The following CCDC88C variants were observed in gnomAD, a reference collection of about 807,000 sequenced individuals.
The protein encoded by CCDC88C is protein Daple.
Under a neutral mutation model 198.8 loss-of-function variants are expected in CCDC88C, and 131 were observed. That is an observed-to-expected ratio of 0.66 (90% CI 0.57 to 0.76). The LOEUF (loss-of-function observed/expected upper bound fraction) is 0.76. Among genes scored for constraint, CCDC88C ranks in the 30% least tolerant of loss-of-function variants. The pLI, the probability that CCDC88C is intolerant of heterozygous loss-of-function variation, is 0.00. For missense variants in CCDC88C, 2,553 were observed against 2,631.6 expected, an observed-to-expected ratio of 0.97 and a Z score of 0.65; for synonymous variants, 1,166 against 1,114.7, an observed-to-expected ratio of 1.05 and a Z score of -0.92.
intron 6 of CCDC88C, among the ~76,000 whole-genome samples, chr14:91,341,527 C>G (rs2139865476): frequency 6.6e-6 from 1 of 152,342 alleles, no homozygotes; most frequent in Non-Finnish European, 1.5e-5. Flanking sequence ...CCCAGGGAGT[C>G]CTGTGCTCAG....
Position 91,299,920 on chromosome 14 carries a change from C to T in CCDC88C, c.3779+7G>A, listed in dbSNP as rs559254149. ...TGCTATGTGCAGGGCCGGGCGCCGG[C>T]GCTCACCTGTCCAGCTCGCCCCGCA... is the stretch of plus-strand genomic sequence containing the variant. On this transcript the variant is annotated splice_region_variant and intron_variant, in intron 21 of 29. Transcript: ENST00000389857. 1.8e-5 allele frequency: 29 copies of T among 1,579,444 alleles called. No individual in the cohort carries two copies. Among genetic ancestry groups the T allele is most frequent in the East Asian group, 4.5e-5 (2 of 44,192 alleles).
chr14:91,373,919 C>G (rs1247589944), intron 3 of CCDC88C, among the ~76,000 whole-genome samples: 2 of 152,232 alleles, frequency 1.3e-5, no homozygotes, highest in Non-Finnish European at 2.9e-5. Context: ...TCAAACCCCT[C>G]CGCCGGCAAT....
At chr14:91,360,252 TCACACACACACACACA>T (rs57026211) in intron 3 of CCDC88C, among the ~76,000 whole-genome samples, 2 of 144,196 alleles carry the variant, frequency 1.4e-5, no homozygotes, top group Non-Finnish European at 3.0e-5. Flanking sequence ...GACCCCATCT[TCACACACACACACACA>T]CACACACACA....
chr14:91,339,836 GC>G lies in CCDC88C; in HGVS notation c.624+47del. On this transcript the variant is annotated intron_variant, in intron 7 of 29. Transcript: ENST00000389857. This position sits in a 1 kb window ranked among gnomAD's most constrained non-coding sequence, Gnocchi z 5.8. ...AGATGAAGGGAGAGGAGATGAAGGGGCCTAAGCCCCTTCCCAGGCTGACCGG... is the reference window on the plus strand; with the variant it reads ...AGATGAAGGGAGAGGAGATGAAGGGGCTAAGCCCCTTCCCAGGCTGACCGG... 3 of 1,535,514 alleles carry G rather than the reference GC, an allele frequency of 2.0e-6. No homozygotes were observed. The highest frequency in any genetic ancestry group is 2.6e-6 in the Non-Finnish European group (3 of 1,139,416).
At chr14:91,348,401 C>G (rs1490374991) in intron 4 of CCDC88C, among the ~76,000 whole-genome samples, 3 of 151,624 alleles carry the variant, frequency 2.0e-5, no homozygotes, top group Non-Finnish European at 4.4e-5. Flanking sequence ...TCGCCTGAGC[C>G]TGGGAGGGTG....
chr14:91,396,073 T>C (rs1384712263), intron 3 of CCDC88C, among the ~76,000 whole-genome samples: 2 of 152,068 alleles, frequency 1.3e-5, no homozygotes, highest in Non-Finnish European at 2.9e-5. Flanking sequence ...ATCGCGACAA[T>C]TACATCTCGA....
At chr14:91,394,336 T>C (rs1345463265) in intron 3 of CCDC88C, among the ~76,000 whole-genome samples, 1 of 152,172 alleles carries the variant, frequency 6.6e-6, no homozygotes, top group African/African-American at 2.4e-5. Flanking sequence ...TCCATACCGG[T>C]TTACCCCTGT....
At position 91,273,181 on chromosome 14, in the gene CCDC88C, G is replaced by C; in HGVS notation, c.5531C>G (p.Thr1844Ser). 2 of 1,578,470 alleles carry C rather than the reference G, an allele frequency of 1.3e-6. No individual in the cohort carries two copies. Among genetic ancestry groups the C allele is most frequent in the Non-Finnish European group, 1.7e-6 (2 of 1,162,516 alleles). Residue 1844 changes from threonine (T) to serine (S), a missense_variant, in exon 30 of 30, where the codon ACC (threonine) becomes AGC (serine). Physicochemically the swap from Thr to Ser is moderately conservative, Grantham distance 58. Coordinates refer to ENST00000389857, the MANE Select transcript of CCDC88C (RefSeq NM_001080414.4). This position sits in a 1 kb window ranked among gnomAD's most constrained non-coding sequence, Gnocchi z 5.6. ...ALGGRETGSH[T>S]LQSPAPPSSH... ...GCTGGGGGGTGCGGGGCTTTGCAGG[G>C]TGTGGCTGCCTGTCTCTCTGCCCCC... is the stretch of plus-strand genomic sequence containing the variant.
intron 1 of CCDC88C, 109 bp downstream of exon 1, chr14:91,417,522 G>C: frequency 2.1e-6 from 2 of 951,672 alleles, no homozygotes; most frequent in Non-Finnish European, 3.1e-6. Flanking sequence ...CGTCCCTCGC[G>C]CCCCGGAGCC....
intron 23 of CCDC88C, among the ~76,000 whole-genome samples, chr14:91,293,471 C>CGTGCCACAG (rs1890813495): frequency 7.0e-6 from 1 of 142,724 alleles, no homozygotes; most frequent in African/African-American, 2.6e-5. Context: ...CCCATCCTCA[C>CGTGCCACAG]CTGCCACAGC....
rs1013878427 is a variant in CCDC88C at position 91,399,240 on chromosome 14, C to T, written c.270+9419G>A. On this transcript the variant is annotated intron_variant, in intron 3 of 29. Coordinates refer to ENST00000389857, the MANE Select transcript of CCDC88C (RefSeq NM_001080414.4). ...CCAGGAACGCTCAGATCCACCTGAC[C>T]GACACCAGTGACACCAAGCTGGCTT... Among the ~76,000 whole-genome samples the T allele has an allele frequency of 2.6e-5, 4 of 152,186 alleles. No homozygotes were observed. In the East Asian group the frequency reaches 5.8e-4, roughly 22 times the overall value.
intron 13 of CCDC88C, among the ~76,000 whole-genome samples, chr14:91,318,296 G>T (rs115311048): frequency 0.01 from 1,533 of 151,836 alleles, 22 homozygotes; most frequent in African/African-American, 0.035. Flanking sequence ...CGTGCCTGTG[G>T]TCCCAGCTAT....
chr14:91,323,691 C>T (rs1405081509), intron 12 of CCDC88C, among the ~76,000 whole-genome samples: 1 of 152,236 alleles, frequency 6.6e-6, no homozygotes, highest in Non-Finnish European at 1.5e-5. Flanking sequence ...TCTCACCAGC[C>T]ACCATGGTCT....
At chr14:91,380,881 A>AC (rs1884747688) in intron 3 of CCDC88C, among the ~76,000 whole-genome samples, 1 of 152,180 alleles carries the variant, frequency 6.6e-6, no homozygotes, top group South Asian at 2.1e-4. Flanking sequence ...CCCTTCTGTG[A>AC]CTATAACCAC....
At chr14:91,334,256 T>G (rs1892954870) in intron 10 of CCDC88C, among the ~76,000 whole-genome samples, 1 of 152,246 alleles carries the variant, frequency 6.6e-6, no homozygotes, top group African/African-American at 2.4e-5. Flanking sequence ...ATGCATTTCT[T>G]TTTGAGAGAG....
chr14:91,303,686 T>A lies in CCDC88C; in HGVS notation c.3635+15A>T. On this transcript the variant is annotated intron_variant, in intron 20 of 29. Transcript: ENST00000389857. ...TCTACCCCTCCCCAGATCCCCTTCC[T>A]TCCCCAGGCCCTACCTCTCCCCGAG... 1 of 1,503,726 alleles carries A rather than the reference T, an allele frequency of 6.7e-7. No individual in the cohort carries two copies. Among genetic ancestry groups the A allele is most frequent in the Non-Finnish European group, 9.0e-7 (1 of 1,114,826 alleles). The allele number at this position is 1,503,726 out of a possible 1,614,324, so 93.1% of individuals were successfully genotyped here. A position where few individuals can be genotyped will look rare whatever the true frequency, so the allele number is the denominator to read the frequency against.
chr14:91,401,360 A>C lies in CCDC88C; in HGVS notation c.270+7299T>G, dbSNP rs550823247. Among the ~76,000 whole-genome samples the C allele has an allele frequency of 2.1e-3, 280 of 131,514 alleles. 1 individual carries two copies. Among genetic ancestry groups the C allele is most frequent in the African/African-American group, 7.2e-3 (273 of 37,978 alleles). The allele number at this position is 131,514 out of a possible 152,430, so 86.3% of individuals were successfully genotyped here. ...TATATATATATATTTTTTGAGACGG[A>C]GCCTTACTCTGTCGCGCAGGCTGGA... On this transcript the variant is annotated intron_variant, in intron 3 of 29. Coordinates refer to ENST00000389857, the MANE Select transcript of CCDC88C (RefSeq NM_001080414.4).
At chr14:91,390,172 T>C (rs984869885) in intron 3 of CCDC88C, among the ~76,000 whole-genome samples, 1 of 151,508 alleles carries the variant, frequency 6.6e-6, no homozygotes, top group African/African-American at 2.4e-5. Flanking sequence ...GTTCCCTCAG[T>C]GGAGCAAGTT....
intron 2 of CCDC88C, among the ~76,000 whole-genome samples, chr14:91,413,729 A>G (rs1037588216): frequency 6.6e-6 from 1 of 152,182 alleles, no homozygotes; most frequent in African/African-American, 2.4e-5. Context: ...AGAGACTACT[A>G]ACAGCCTTCT....
Sources: gnomAD v4.1 joint callset for allele counts (sites outside exome capture counted in the v4.1 genomes callset) on GRCh38, gnomAD v4.1.1 for gene constraint, Gnocchi (gnomAD v3.1) non-coding constraint, MANE v1.5 for transcripts, NCBI Gene and HGNC (gene_info 2026-07-23, HGNC 2026-07-21) for gene names.